Variants in RADIL observed in about 807,000 individuals in gnomAD.
RADIL encodes the protein Rap associating with DIL domain, also known as ras-associating and dilute domain-containing protein.
Under a neutral mutation model 97.6 loss-of-function variants are expected in RADIL, and 99 were observed. The observed-to-expected ratio is 1.01, with a 90% CI of 0.86 to 1.20. The LOEUF is 1.20. Ranked by LOEUF, RADIL falls within the 50% of genes most tolerant of loss-of-function variation. The probability of loss-of-function intolerance (pLI) is 0.00; values close to 1 mark genes in which losing one functional copy is unlikely to be tolerated. For missense variants in RADIL, 1,765 were observed against 1,498.9 expected (o/e 1.18, Z -2.93); for synonymous variants, 803 against 691.8 (o/e 1.16, Z -2.52).
rs762430372 is a variant in RADIL at position 4,821,640 on chromosome 7, C to A, written c.1615+754G>T. On this transcript the variant is annotated intron_variant, in intron 6 of 14. Coordinates refer to ENST00000399583, the MANE Select transcript of RADIL (RefSeq NM_018059.5). The surrounding 1 kb of genome is among the most constrained non-coding windows in gnomAD (Gnocchi z 5.2). ...AGCACTTTGGGAGGCTGAGGTGGGG[C>A]GGATCAGGAGTTTGAGACCAGCCTG... is the stretch of plus-strand genomic sequence containing the variant. Among the ~76,000 whole-genome samples the A allele has an allele frequency of 6.6e-6, 1 of 151,866 alleles. No individual in the cohort carries two copies. The highest frequency in any genetic ancestry group is 1.5e-5 in the Non-Finnish European group (1 of 67,946).
intron 2 of RADIL, among the ~76,000 whole-genome samples, chr7:4,850,622 C>G (rs1430594277): frequency 2.0e-5 from 3 of 152,182 alleles, no homozygotes; most frequent in Non-Finnish European, 4.4e-5. Context: ...ACAACAGTCA[C>G]TGGGAGCTGA....
Position 4,815,277 on chromosome 7 carries a change from C to G in RADIL, c.2139+1G>C, listed in dbSNP as rs769516855. On this transcript the variant is annotated splice_donor_variant, in intron 9 of 14. Coordinates refer to ENST00000399583, the MANE Select transcript of RADIL (RefSeq NM_018059.5). LOFTEE classifies it high-confidence loss of function. This position sits in a 1 kb window ranked among gnomAD's most constrained non-coding sequence, Gnocchi z 8.0. ...TCGCCGCCTCCCATGCGCACCCCTACCTGGATGAGCTGGGCCCTGGGTGTG... is the reference window on the plus strand; with the variant it reads ...TCGCCGCCTCCCATGCGCACCCCTAGCTGGATGAGCTGGGCCCTGGGTGTG... The G allele has an allele frequency of 5.8e-6, 9 of 1,553,710 alleles. No homozygotes were observed. Among genetic ancestry groups the G allele is most frequent in the Middle Eastern group, 4.5e-4 (2 of 4,450 alleles).
At chr7:4,843,740 C>T (rs1783501512) in intron 2 of RADIL, among the ~76,000 whole-genome samples, 1 of 151,950 alleles carries the variant, frequency 6.6e-6, no homozygotes, top group African/African-American at 2.4e-5. Context: ...GGGGAAACCC[C>T]GTCTCTACCA....
chr7:4,868,748 T>C (rs762416844), intron 2 of RADIL, among the ~76,000 whole-genome samples: 43 of 152,246 alleles, frequency 2.8e-4, no homozygotes, highest in Non-Finnish European at 5.3e-4. Context: ...TACAGTGTCC[T>C]TGGTCAAAGA....
At chr7:4,820,167 C>T (rs941659751) in intron 6 of RADIL, among the ~76,000 whole-genome samples, 3 of 152,256 alleles carry the variant, frequency 2.0e-5, no homozygotes, top group African/African-American at 7.2e-5. Context: ...AAGTGCACTG[C>T]AAGGTCAGTG....
intron 2 of RADIL, among the ~76,000 whole-genome samples, chr7:4,848,881 G>A (rs1313421066): frequency 6.6e-6 from 1 of 152,190 alleles, no homozygotes; most frequent in Non-Finnish European, 1.5e-5. Context: ...GCTCACACCT[G>A]TAATCCCAGC....
Position 4,801,948 on chromosome 7 carries a change from G to T in RADIL, c.2547C>A (p.Cys849Ter). The T allele has an allele frequency of 6.4e-7, 1 of 1,559,228 alleles. No homozygotes were observed. The highest frequency in any genetic ancestry group is 2.3e-5 in the East Asian group (1 of 44,096). The change falls in exon 12 of 15, where the codon TGC becomes TGA. Residue 849 changes from cysteine (C) to a stop codon, truncating the protein, a stop_gained. Transcript: ENST00000399583. LOFTEE classifies it high-confidence loss of function. ...GGCCAGGGTCCCTGGGAGCCAGGGG[G>T]CAGCTCGGGGCCTCCAGGTGCCCGT... ...VLDGHLEAPS[C>*]PLAPRDPGPA... is the part of the protein sequence containing the mutation.
chr7:4,820,473 C>T (rs1032108606), intron 6 of RADIL, among the ~76,000 whole-genome samples: 5 of 152,218 alleles, frequency 3.3e-5, no homozygotes, highest in African/African-American at 9.6e-5. Context: ...TGCCCCATCA[C>T]GTGGGGGGCA....
At chr7:4,807,811 C>A (rs1372029413) in intron 9 of RADIL, among the ~76,000 whole-genome samples, 2 of 66,656 alleles carry the variant, frequency 3.0e-5, no homozygotes, top group Admixed American at 2.9e-4. Flanking sequence ...TCCCTCTCTC[C>A]TCCTTCCTAC....
intron 2 of RADIL, chr7:4,861,834 G>GCACGTCCCCCACCACCGCGATCTT: frequency 1.6e-6 from 2 of 1,268,420 alleles, no homozygotes; most frequent in Non-Finnish European, 2.1e-6. Context: ...CCCCGCCAGG[G>GCACGTCCCCCACCACCGCGATCTT]CACGTCCCCC....
At chr7:4,839,279 T>C (rs1783384306) in intron 2 of RADIL, among the ~76,000 whole-genome samples, 1 of 152,242 alleles carries the variant, frequency 6.6e-6, no homozygotes, top group Non-Finnish European at 1.5e-5. Context: ...AATTTCCATG[T>C]AATTGTATGG....
intron 5 of RADIL, among the ~76,000 whole-genome samples, chr7:4,829,082 G>C (rs745646604): frequency 5.3e-5 from 8 of 152,200 alleles, no homozygotes; most frequent in Admixed American, 1.3e-4. Context: ...CACCACGCCT[G>C]TTACTGGGCC....
chr7:4,828,656 A>G (rs1783059601), intron 5 of RADIL, among the ~76,000 whole-genome samples: 1 of 152,234 alleles, frequency 6.6e-6, no homozygotes, highest in South Asian at 2.1e-4. Flanking sequence ...TCATCATAAC[A>G]TCAGTTTCAG....
chr7:4,814,090 T>G lies in RADIL; in HGVS notation c.2139+1188A>C, dbSNP rs1420496616. On this transcript the variant is annotated intron_variant, in intron 9 of 14. Transcript: ENST00000399583. The surrounding 1 kb of genome is among the most constrained non-coding windows in gnomAD (Gnocchi z 4.5). ...CCACCGTGCCTGGCCGAGTCAGCTTTCTTCAATCTGCTAAGGCAGTTCACC... is the reference window on the plus strand; with the variant it reads ...CCACCGTGCCTGGCCGAGTCAGCTTGCTTCAATCTGCTAAGGCAGTTCACC... 1.3e-5 allele frequency among the ~76,000 whole-genome samples: 2 copies of G among 152,202 alleles called. No homozygotes were observed. The highest frequency in any genetic ancestry group is 2.9e-5 in the Non-Finnish European group (2 of 68,030).
At chr7:4,799,794 G>A (rs762167140) in intron 13 of RADIL, 25 bp from the exon 14 acceptor site, 19 of 1,492,916 alleles carry the variant, frequency 1.3e-5, no homozygotes, top group East Asian at 2.5e-5. Context: ...AGGCCTCAGA[G>A]CTCCGCAGGC....
rs535820013 is a variant in RADIL at position 4,867,164 on chromosome 7, T to C, written c.535+10441A>G. Among the ~76,000 whole-genome samples, 248 of 152,070 alleles carry C rather than the reference T, an allele frequency of 1.6e-3. 2 individuals carry two copies. Among genetic ancestry groups the C allele is most frequent in the African/African-American group, 5.9e-3 (244 of 41,466 alleles). ...GGTATTCTGCTGTGGCAACAAGAAA[T>C]GGACTAAAGCAGAGCCTAAAGGTGT... is the stretch of plus-strand genomic sequence containing the variant. On this transcript the variant is annotated intron_variant, in intron 2 of 14. Transcript: ENST00000399583. This position sits in a 1 kb window ranked among gnomAD's most constrained non-coding sequence, Gnocchi z 4.1.
At chr7:4,862,063 G>T in intron 2 of RADIL, 1 of 379,880 alleles carries the variant, frequency 2.6e-6, no homozygotes. Context: ...CGCACCCGCC[G>T]CCAGCGCGAG....
chr7:4,871,444 T>TCGGGGAGGC (rs1583325028), intron 2 of RADIL, among the ~76,000 whole-genome samples: 1 of 152,206 alleles, frequency 6.6e-6, no homozygotes, highest in African/African-American at 2.4e-5. Context: ...CTGGCTGTCA[T>TCGGGGAGGC]CGGGGAGGCC....
intron 5 of RADIL, among the ~76,000 whole-genome samples, chr7:4,825,856 T>G (rs1426177941): frequency 7.9e-6 from 1 of 127,034 alleles, no homozygotes; most frequent in Non-Finnish European, 1.5e-5. Flanking sequence ...TACTCCAGCC[T>G]GGGCTACAGA....
Sources: gnomAD v4.1 joint callset for allele counts (sites outside exome capture counted in the v4.1 genomes callset) on GRCh38, gnomAD v4.1.1 for gene constraint, Gnocchi (gnomAD v3.1) non-coding constraint, MANE v1.5 for transcripts, NCBI Gene and HGNC (gene_info 2026-07-23, HGNC 2026-07-21) for gene names.